DLGAP2: variants seen among roughly 807,000 people sequenced by gnomAD.
The protein encoded by DLGAP2 is disks large-associated protein 2.
Under a neutral mutation model 100.3 loss-of-function variants are expected in DLGAP2, and 26 were observed. The ratio of observed to expected loss-of-function variants is 0.26; its 90% CI spans 0.19 to 0.36. DLGAP2 has a LOEUF of 0.36. Among genes scored for constraint, DLGAP2 ranks in the 10% least tolerant of loss-of-function variants. The probability of loss-of-function intolerance (pLI) is 1.00; values close to 1 mark genes in which losing one functional copy is unlikely to be tolerated. For synonymous variants in DLGAP2, 886 were observed against 630.1 expected (o/e 1.41, Z -6.08); for missense variants, 1,858 against 1,453.2 (o/e 1.28, Z -4.53).
intron 2 of DLGAP2, among the ~76,000 whole-genome samples, chr8:986,299 G>A (rs181222417): frequency 1.3e-5 from 2 of 152,220 alleles, no homozygotes; most frequent in East Asian, 3.9e-4. Flanking sequence ...TTATGCTAAT[G>A]GCAATGTGAA....
chr8:1,190,398 G>A (rs1436609239), intron 2 of DLGAP2, among the ~76,000 whole-genome samples: 1 of 37,382 alleles, frequency 2.7e-5, no homozygotes, highest in African/African-American at 9.5e-5. Context: ...AGTCAGGGTC[G>A]GGGCATCTGC....
At chr8:1,091,528 C>T (rs927044503) in intron 2 of DLGAP2, among the ~76,000 whole-genome samples, 6 of 152,338 alleles carry the variant, frequency 3.9e-5, no homozygotes, top group African/African-American at 4.8e-5. Context: ...TGCCTTCCTG[C>T]GCCCACCTAT....
intron 1 of DLGAP2, among the ~76,000 whole-genome samples, chr8:778,049 C>G (rs1191754141): frequency 4.4e-3 from 2 of 452 alleles, no homozygotes; most frequent in Admixed American, 0.12. Context: ...TTGCTCATTT[C>G]TTTTTATTCT....
At chr8:914,837 G>C (rs1798557627) in intron 2 of DLGAP2, among the ~76,000 whole-genome samples, 1 of 152,236 alleles carries the variant, frequency 6.6e-6, no homozygotes, top group Admixed American at 6.5e-5. Flanking sequence ...TGATATACCA[G>C]TGTAAATTCC....
At chr8:1,105,276 G>C (rs528409871) in intron 2 of DLGAP2, among the ~76,000 whole-genome samples, 10 of 152,332 alleles carry the variant, frequency 6.6e-5, no homozygotes, top group African/African-American at 2.2e-4. Context: ...AAAGTATTCT[G>C]AAAGTGAAGA....
chr8:1,295,757 C>G (rs528426245), intron 3 of DLGAP2, among the ~76,000 whole-genome samples: 2 of 152,320 alleles, frequency 1.3e-5, no homozygotes, highest in East Asian at 3.9e-4. Flanking sequence ...GGCAGGGGAG[C>G]TGTGGGGTGT....
chr8:781,847 A>T (rs534059436), intron 1 of DLGAP2, among the ~76,000 whole-genome samples: 2 of 152,210 alleles, frequency 1.3e-5, no homozygotes, highest in African/African-American at 4.8e-5. Flanking sequence ...TGTTTGTGCT[A>T]TAATTTTTTG....
intron 3 of DLGAP2, among the ~76,000 whole-genome samples, chr8:1,484,593 C>T (rs555592869): frequency 6.6e-6 from 1 of 152,230 alleles, no homozygotes; most frequent in Non-Finnish European, 1.5e-5. Context: ...CACGCTGATT[C>T]AGAGTCATCA....
chr8:1,208,610 A>T (rs1195609447), intron 2 of DLGAP2, among the ~76,000 whole-genome samples: 4 of 100,166 alleles, frequency 4.0e-5, no homozygotes, highest in East Asian at 7.4e-4. Flanking sequence ...TCAACATAGT[A>T]CTAGAAGTCC....
chr8:851,618 C>T (rs566786113), intron 1 of DLGAP2, among the ~76,000 whole-genome samples: 1 of 152,306 alleles, frequency 6.6e-6, no homozygotes, highest in African/African-American at 2.4e-5. Flanking sequence ...TCAGTTCAGC[C>T]TCTGTTCAAA....
At chr8:1,306,491 T>C (rs1800495448) in intron 3 of DLGAP2, among the ~76,000 whole-genome samples, 1 of 152,188 alleles carries the variant, frequency 6.6e-6, no homozygotes, top group African/African-American at 2.4e-5. Flanking sequence ...CTTACTGTTG[T>C]TAAGATGTCA....
At chr8:1,498,565 G>C (rs751928155) in intron 3 of DLGAP2, among the ~76,000 whole-genome samples, 6 of 152,206 alleles carry the variant, frequency 3.9e-5, no homozygotes, top group Non-Finnish European at 5.9e-5. Context: ...ATTTGGGCAA[G>C]AGCAGAAGAA....
intron 2 of DLGAP2, among the ~76,000 whole-genome samples, chr8:1,226,154 C>G (rs761389459): frequency 6.6e-6 from 1 of 152,052 alleles, no homozygotes; most frequent in Admixed American, 6.6e-5. Flanking sequence ...CATGGGCATT[C>G]TGTTATAAAG....
chr8:1,677,630 A>C (rs1798841277), intron 11 of DLGAP2, among the ~76,000 whole-genome samples: 2 of 152,192 alleles, frequency 1.3e-5, no homozygotes, highest in Admixed American at 1.3e-4. Context: ...GCCCCCTCCT[A>C]TCAACTATTT....
chr8:1,488,497 G>A (rs1054095763), intron 3 of DLGAP2, among the ~76,000 whole-genome samples: 4 of 152,146 alleles, frequency 2.6e-5, no homozygotes, highest in Non-Finnish European at 2.9e-5. Context: ...CCTGGCCCAC[G>A]TTTCATCTTC....
At chr8:1,488,758 T>A (rs1256142298) in intron 3 of DLGAP2, among the ~76,000 whole-genome samples, 2 of 152,232 alleles carry the variant, frequency 1.3e-5, no homozygotes, top group Non-Finnish European at 2.9e-5. Flanking sequence ...TTTTATCTTC[T>A]GCATTCAGAT....
At chr8:936,030 G>T (rs1239432074) in intron 2 of DLGAP2, among the ~76,000 whole-genome samples, 1 of 152,234 alleles carries the variant, frequency 6.6e-6, no homozygotes, top group African/African-American at 2.4e-5. Flanking sequence ...ACCCTGCCCA[G>T]TGGGACCCGT....
At chr8:1,173,474 C>T (rs139567876) in intron 2 of DLGAP2, among the ~76,000 whole-genome samples, 8 of 152,124 alleles carry the variant, frequency 5.3e-5, no homozygotes, top group Admixed American at 1.3e-4. Flanking sequence ...TGTCTGTGCC[C>T]TGCCCCCAGA....
chr8:980,153 A>G (rs1450851567), intron 2 of DLGAP2, among the ~76,000 whole-genome samples: 1 of 152,210 alleles, frequency 6.6e-6, no homozygotes, highest in Non-Finnish European at 1.5e-5. Context: ...GAGACCTCTC[A>G]GGAGACAAAT....
Sources: allele counts gnomAD v4.1 joint callset (sites outside exome capture counted in the v4.1 genomes callset), GRCh38; gene constraint gnomAD v4.1.1; transcripts MANE v1.5; gene names NCBI Gene and HGNC (gene_info 2026-07-23, HGNC 2026-07-21).